ACOXL: variants seen among roughly 807,000 people sequenced by gnomAD.
ACOXL encodes the protein acyl-coenzyme A oxidase-like protein.
Under a neutral mutation model 71.9 loss-of-function variants are expected in ACOXL, and 70 were observed. That is an observed-to-expected ratio of 0.97 (90% CI 0.80 to 1.19). The LOEUF (loss-of-function observed/expected upper bound fraction) is 1.19. ACOXL is among the 50% of genes most tolerant of loss of function. The probability of loss-of-function intolerance (pLI) is 0.00; values close to 1 mark genes in which losing one functional copy is unlikely to be tolerated. For missense variants in ACOXL, 703 were observed against 736.3 expected, an observed-to-expected ratio of 0.95 and a Z score of 0.52; for synonymous variants, 253 against 281.6, an observed-to-expected ratio of 0.90 and a Z score of 1.02.
At chr2:111,016,640 T>G (rs2064452021) in intron 14 of ACOXL, 1 of 152,296 alleles carries the variant, frequency 6.6e-6, no homozygotes, top group Non-Finnish European at 1.5e-5. Context: ...CACGTGTCCA[T>G]CCTGGGCCAG....
chr2:110,878,841 C>CCT (rs1696253884), intron 10 of ACOXL, among the ~76,000 whole-genome samples: 1 of 151,272 alleles, frequency 6.6e-6, no homozygotes, highest in Non-Finnish European at 1.5e-5. Flanking sequence ...GGGTGGATCA[C>CCT]GAGGTCAGGA....
intron 11 of ACOXL, among the ~76,000 whole-genome samples, chr2:110,927,622 C>G (rs1341722253): frequency 6.6e-6 from 1 of 152,228 alleles, no homozygotes; most frequent in Non-Finnish European, 1.5e-5. Flanking sequence ...TATAAGCTTC[C>G]TGGAGTAGCA....
intron 9 of ACOXL, among the ~76,000 whole-genome samples, chr2:110,814,218 CCTT>C (rs746756780): frequency 4.6e-5 from 7 of 152,162 alleles, no homozygotes; most frequent in Non-Finnish European, 7.4e-5. Context: ...ATCCAGGCCT[CCTT>C]CTCCACTGTG....
At chr2:111,097,476 T>G (rs2068868593) in intron 17 of ACOXL, among the ~76,000 whole-genome samples, 1 of 152,216 alleles carries the variant, frequency 6.6e-6, no homozygotes, top group Non-Finnish European at 1.5e-5. Context: ...AACAACCACA[T>G]CCAGCACCCA....
At chr2:110,788,453 GTAGAT>G (rs1684255604) in intron 3 of ACOXL, among the ~76,000 whole-genome samples, 1 of 152,174 alleles carries the variant, frequency 6.6e-6, no homozygotes. Context: ...AAGACAGAAG[GTAGAT>G]TAGAGGTAAC....
intron 1 of ACOXL, among the ~76,000 whole-genome samples, chr2:110,756,499 A>G (rs1679723885): frequency 6.6e-6 from 1 of 152,198 alleles, no homozygotes; most frequent in South Asian, 2.1e-4. Context: ...TTATCTGTGC[A>G]TTAGTGGCCC....
intron 12 of ACOXL, among the ~76,000 whole-genome samples, chr2:110,935,429 C>T (rs1178291568): frequency 6.6e-6 from 1 of 152,120 alleles, no homozygotes; most frequent in African/African-American, 2.4e-5. Flanking sequence ...TCTGGGAGGC[C>T]GTATTTCCCC....
intron 12 of ACOXL, among the ~76,000 whole-genome samples, chr2:110,975,985 A>G (rs1352031799): frequency 6.6e-6 from 1 of 152,208 alleles, no homozygotes; most frequent in African/African-American, 2.4e-5. Context: ...ATTGGAGAAT[A>G]CAGAGAGGCA....
chr2:110,808,588 C>G (rs1559290927), intron 9 of ACOXL, among the ~76,000 whole-genome samples: 1 of 152,152 alleles, frequency 6.6e-6, no homozygotes, highest in Non-Finnish European at 1.5e-5. Context: ...TCCACTGGGC[C>G]TCTGTCCCTC....
At chr2:110,867,059 G>A (rs568866143) in intron 10 of ACOXL, among the ~76,000 whole-genome samples, 25 of 152,296 alleles carry the variant, frequency 1.6e-4, no homozygotes, top group Non-Finnish European at 3.1e-4. Context: ...AGGATAGACC[G>A]TGCTTTGCTG....
chr2:110,757,668 A>G (rs1313942845), intron 1 of ACOXL, among the ~76,000 whole-genome samples: 1 of 151,148 alleles, frequency 6.6e-6, no homozygotes, highest in African/African-American at 2.4e-5. Flanking sequence ...GCCTTTTTTC[A>G]TATGTTTGTT....
chr2:111,079,365 C>T (rs2067775130), intron 16 of ACOXL, among the ~76,000 whole-genome samples: 1 of 152,164 alleles, frequency 6.6e-6, no homozygotes, highest in South Asian at 2.1e-4. Context: ...ATTTGTCTTT[C>T]TGTGTCTGTT....
intron 5 of ACOXL, 34 bp from the exon 6 acceptor site, chr2:110,798,576 A>G: frequency 6.4e-7 from 1 of 1,558,498 alleles, no homozygotes; most frequent in Non-Finnish European, 8.9e-7. Flanking sequence ...AGCCATGGGA[A>G]GGGAAACACT....
At chr2:111,063,639 G>A (rs1169328596) in intron 16 of ACOXL, among the ~76,000 whole-genome samples, 1 of 151,044 alleles carries the variant, frequency 6.6e-6, no homozygotes, top group Non-Finnish European at 1.5e-5. Flanking sequence ...ACTTGGAAAA[G>A]AGTATCTACA....
In ACOXL at chr2:111,117,713, T is replaced by A. The variant is rs2070458150; in HGVS notation, c.1640T>A (p.Ile547Asn). 1.3e-6 allele frequency: 2 copies of A among 1,551,602 alleles called. No homozygotes were observed. Among genetic ancestry groups the A allele is most frequent in the Admixed American group, 2.0e-5 (1 of 50,992 alleles). ...HTYLHAPIAGISNPRAAWAFY... is the reference protein window; with the variant it reads ...HTYLHAPIAGNSNPRAAWAFY... ...TACCTCCACGCACCAATCGCCGGAA[T>A]CTCCAACCCGCGGGCCGCGTGGGCT... The change falls in exon 18 of 18, where the codon ATC (isoleucine) becomes AAC (asparagine). Residue 547 changes from isoleucine (I) to asparagine (N), a missense_variant. Transcript: ENST00000439055.
intron 10 of ACOXL, among the ~76,000 whole-genome samples, chr2:110,879,846 G>A (rs868448291): frequency 9.9e-5 from 15 of 152,026 alleles, no homozygotes; most frequent in Middle Eastern, 3.2e-3. Context: ...AAAAGACATA[G>A]ATTGAAAGGA....
chr2:110,980,662 C>T (rs976756108), intron 12 of ACOXL, among the ~76,000 whole-genome samples: 12 of 152,180 alleles, frequency 7.9e-5, no homozygotes, highest in African/African-American at 2.7e-4. Context: ...GGTGCTGACA[C>T]TGTCACTCAG....
chr2:111,086,611 G>T (rs995962352), intron 16 of ACOXL, among the ~76,000 whole-genome samples: 2 of 152,078 alleles, frequency 1.3e-5, no homozygotes, highest in Non-Finnish European at 2.9e-5. Context: ...AAGGAATGTT[G>T]CATTTTATTG....
At chr2:110,915,419 TATATA>T (rs1558722016) in intron 11 of ACOXL, among the ~76,000 whole-genome samples, 2 of 133,298 alleles carry the variant, frequency 1.5e-5, no homozygotes, top group African/African-American at 5.9e-5. Context: ...TATATATATA[TATATA>T]TATATTTTTT....
Sources: gnomAD v4.1 joint callset for allele counts (sites outside exome capture counted in the v4.1 genomes callset) on GRCh38, gnomAD v4.1.1 for gene constraint, MANE v1.5 for transcripts, NCBI Gene and HGNC (gene_info 2026-07-23, HGNC 2026-07-21) for gene names.